RNF139: variants seen among roughly 807,000 people sequenced by gnomAD.
The protein encoded by RNF139 is E3 ubiquitin-protein ligase RNF139.
In RNF139, 15 loss-of-function variants were observed where a neutral mutation model predicts 49.5. That is an observed-to-expected ratio of 0.30 (90% CI 0.20 to 0.47). The LOEUF (loss-of-function observed/expected upper bound fraction) is 0.47, where lower values mean the gene tolerates loss of function less well. Among genes scored for constraint, RNF139 ranks in the 20% least tolerant of loss-of-function variants. The probability of loss-of-function intolerance (pLI) is 1.00; values close to 1 mark genes in which losing one functional copy is unlikely to be tolerated. For missense variants in RNF139, 619 were observed against 806.3 expected, an observed-to-expected ratio of 0.77 and a Z score of 2.81; for synonymous variants, 325 against 300.9, an observed-to-expected ratio of 1.08 and a Z score of -0.83.
At position 124,488,110 on chromosome 8, in the gene RNF139, T is replaced by C. The variant is rs575023818; in HGVS notation, c.*466T>C. Among the ~76,000 whole-genome samples the C allele has an allele frequency of 1.8e-4, 27 of 152,258 alleles. 1 individual carries two copies. In the South Asian group the frequency reaches 3.7e-3, roughly 21 times the overall value. On this transcript the variant is annotated 3_prime_UTR_variant, in exon 2 of 2. Transcript: ENST00000303545. The stretch of plus-strand genomic sequence containing the variant: ...GAGGATAAAGGACATGAGAGAGTAT[T>C]TTAAAACTAAAGAAAAAATTAGCTG...
At chr8:124,481,895 AG>A (rs1816417838) in intron 1 of RNF139, among the ~76,000 whole-genome samples, 6 of 152,116 alleles carry the variant, frequency 3.9e-5, no homozygotes, top group Non-Finnish European at 8.8e-5. Flanking sequence ...ATTACTTTGG[AG>A]ACTTGTTACT....
intron 1 of RNF139, among the ~76,000 whole-genome samples, chr8:124,475,568 G>A (rs1473830594): frequency 6.6e-6 from 1 of 152,258 alleles, no homozygotes; most frequent in Non-Finnish European, 1.5e-5. Context: ...TTGCCCGTTT[G>A]CCTTGGGAAA....
chr8:124,484,414 T>A (rs1214733941), intron 1 of RNF139, among the ~76,000 whole-genome samples: 1 of 150,744 alleles, frequency 6.6e-6, no homozygotes, highest in Non-Finnish European at 1.5e-5. Flanking sequence ...TGAGACAGAC[T>A]GATTGATTGG....
intron 1 of RNF139, among the ~76,000 whole-genome samples, chr8:124,477,585 T>G (rs1586520541): frequency 6.6e-6 from 1 of 152,246 alleles, no homozygotes. Context: ...GTGCTACAAC[T>G]GTACCTTCAT....
chr8:124,478,726 T>TG (rs941281890), intron 1 of RNF139, among the ~76,000 whole-genome samples: 4 of 151,522 alleles, frequency 2.6e-5, no homozygotes, highest in African/African-American at 9.7e-5. Context: ...TGGAAGACTT[T>TG]TTTTTTTTTT....
At chr8:124,481,806 T>C (rs895788796) in intron 1 of RNF139, among the ~76,000 whole-genome samples, 1 of 152,164 alleles carries the variant, frequency 6.6e-6, no homozygotes, top group African/African-American at 2.4e-5. Context: ...ACAGTTTAAA[T>C]ACCAAGAAAG....
Position 124,486,658 on chromosome 8 carries a change from C to G in RNF139, c.1009C>G (p.Gln337Glu). 6.2e-7 allele frequency: 1 copy of G among 1,614,116 alleles called. No individual in the cohort carries two copies. The highest frequency in any genetic ancestry group is 8.5e-7 in the Non-Finnish European group (1 of 1,180,030). ...TGTTTTATTTTTTATTTTGGCTCTT[C>G]AGACTGGGTTAAGTGGGCTAAGACC... Reference protein sequence around the residue: ...APVLFFILALQTGLSGLRPEE... With the variant: ...APVLFFILALETGLSGLRPEE... Residue 337 changes from glutamine (Q) to glutamate (E), a missense_variant, in exon 2 of 2, where the codon CAG (glutamine) becomes GAG (glutamate). This residue lies in a region of RNF139 where 530 missense variants were observed against 728.9 expected (regional missense o/e 0.73). Transcript: ENST00000303545.
rs374935639 is a variant in RNF139, at chr8:124,483,073, T to TA, written c.182-2758_182-2757insA. ...TATATCTATTAAAAATATATATATA[T>TA]TATTTAAATATATATATATTTAAAA... On this transcript the variant is annotated intron_variant, in intron 1 of 1. Transcript: ENST00000303545. Among the ~76,000 whole-genome samples the TA allele has an allele frequency of 9.0e-4, 34 of 37,628 alleles. 2 individuals are homozygous for TA. Among genetic ancestry groups the TA allele is most frequent in the South Asian group, 2.2e-3 (2 of 928 alleles). 24.7% of individuals were successfully genotyped at this position (37,628 alleles called of 152,430 possible). A position where few individuals can be genotyped will look rare whatever the true frequency, so the allele number is the denominator to read the frequency against.
chr8:124,483,987 T>TA (rs1267526405), intron 1 of RNF139, among the ~76,000 whole-genome samples: 2 of 152,178 alleles, frequency 1.3e-5, no homozygotes, highest in African/African-American at 4.8e-5. Context: ...AGATTATACT[T>TA]AGATAACTGC....
At position 124,487,713 on chromosome 8, in the gene RNF139, C is replaced by T. The variant is rs144002991; in HGVS notation, c.*69C>T. Reference sequence around the variant, plus strand: ...CAGTTCATCCAAAATGGAGTAATATCCTTCACCTTCAGTGTGTAACCAAGC... The same window carrying T: ...CAGTTCATCCAAAATGGAGTAATATTCTTCACCTTCAGTGTGTAACCAAGC... On this transcript the variant is annotated 3_prime_UTR_variant, in exon 2 of 2. Transcript: ENST00000303545. 4.5e-5 allele frequency: 65 copies of T among 1,443,816 alleles called. No individual in the cohort carries two copies. Among genetic ancestry groups the T allele is most frequent in the African/African-American group, 7.1e-5 (5 of 70,624 alleles). The allele number at this position is 1,443,816 out of a possible 1,614,324, so 89.4% of individuals were successfully genotyped here.
At chr8:124,484,095 G>A (rs1816493052) in intron 1 of RNF139, among the ~76,000 whole-genome samples, 1 of 152,154 alleles carries the variant, frequency 6.6e-6, no homozygotes, top group African/African-American at 2.4e-5. Flanking sequence ...TAGGTTTCTA[G>A]GATAGGTAGG....
At chr8:124,477,939 T>TA (rs1816340089) in intron 1 of RNF139, among the ~76,000 whole-genome samples, 1 of 152,114 alleles carries the variant, frequency 6.6e-6, no homozygotes, top group Non-Finnish European at 1.5e-5. Context: ...AAAGCTTTTT[T>TA]ATGGCAAAGC....
intron 1 of RNF139, chr8:124,483,536 G>A (rs894178223): frequency 6.6e-6 from 1 of 152,094 alleles, no homozygotes; most frequent in Non-Finnish European, 1.5e-5. Context: ...CCGGGTTCAA[G>A]CGATTCTCCC....
At chr8:124,477,724 A>AAAT (rs1816337079) in intron 1 of RNF139, among the ~76,000 whole-genome samples, 1 of 152,220 alleles carries the variant, frequency 6.6e-6, no homozygotes, top group Non-Finnish European at 1.5e-5. Flanking sequence ...AAGGGATGTT[A>AAAT]AATACTAAAC....
At position 124,486,356 on chromosome 8, in the gene RNF139, A is replaced by G; in HGVS notation, c.707A>G (p.Asp236Gly). 1 of 1,614,160 alleles carries G rather than the reference A, an allele frequency of 6.2e-7. No individual in the cohort carries two copies. Among genetic ancestry groups the G allele is most frequent in the South Asian group, 1.1e-5 (1 of 91,084 alleles). The change falls in exon 2 of 2, where the codon GAC becomes GGC. Residue 236 changes from aspartate to glycine, a missense_variant. Physicochemically the swap from Asp to Gly is moderately conservative, Grantham distance 94. Around this residue, in one of 2 missense-constraint regions of RNF139, gnomAD observed 530 missense variants for 728.9 expected, o/e 0.73. Transcript: ENST00000303545. Reference sequence around the variant, plus strand: ...ACATGGAAGAGGATTCGTTTCCCAGACATACTACGAGTCTTTTGGCTAACA... The same window carrying G: ...ACATGGAAGAGGATTCGTTTCCCAGGCATACTACGAGTCTTTTGGCTAACA... Reference protein sequence around the residue: ...EDTWKRIRFPDILRVFWLTRV... With the variant: ...EDTWKRIRFPGILRVFWLTRV...
rs1197305081 is a variant in RNF139, at chr8:124,487,674, A to G, written c.*30A>G. 4 of 1,555,108 alleles carry G rather than the reference A, an allele frequency of 2.6e-6. No homozygotes were observed. The East Asian group carries it at 9.0e-5, about 35-fold the overall frequency. ...AATAGCATTTATTAATGATTGAGGT[A>G]TTTGTTTAAAATTCAGTTCATCCAA... On this transcript the variant is annotated 3_prime_UTR_variant, in exon 2 of 2. Transcript: ENST00000303545.
chr8:124,478,929 T>A (rs751891152), intron 1 of RNF139, among the ~76,000 whole-genome samples: 1 of 151,910 alleles, frequency 6.6e-6, no homozygotes, highest in Non-Finnish European at 1.5e-5. Context: ...TTCTCCATGT[T>A]GGTCAGGCTG....
chr8:124,477,362 A>C (rs2131297169), intron 1 of RNF139, among the ~76,000 whole-genome samples: 1 of 152,370 alleles, frequency 6.6e-6, no homozygotes, highest in South Asian at 2.1e-4. Context: ...TTGTGTGTAA[A>C]TATGCCAATG....
At chr8:124,480,547 A>G (rs1816391156) in intron 1 of RNF139, among the ~76,000 whole-genome samples, 1 of 151,864 alleles carries the variant, frequency 6.6e-6, no homozygotes, top group South Asian at 2.1e-4. Flanking sequence ...AGGTGAGACA[A>G]AGAAGGAGAG....
Sources: gnomAD v4.1 joint callset for allele counts (sites outside exome capture counted in the v4.1 genomes callset) on GRCh38, gnomAD v4.1.1 for gene constraint, gnomAD v4.1.1 regional missense constraint, MANE v1.5 for transcripts, NCBI Gene and HGNC (gene_info 2026-07-23, HGNC 2026-07-21) for gene names.